GTF2IRD1: variants seen among roughly 807,000 people sequenced by gnomAD.
GTF2IRD1 encodes the protein general transcription factor II-I repeat domain-containing protein 1.
A neutral mutation model predicts 113.2 loss-of-function variants in GTF2IRD1; 26 were observed. That is an observed-to-expected ratio of 0.23 (90% confidence interval 0.17 to 0.32). The LOEUF is 0.32. Among genes scored for constraint, GTF2IRD1 ranks in the 10% least tolerant of loss-of-function variants. The pLI is 1.00. For missense variants in GTF2IRD1, 864 were observed against 1,280.8 expected, an observed-to-expected ratio of 0.67 and a Z score of 4.97; for synonymous variants, 484 against 529.1, an observed-to-expected ratio of 0.91 and a Z score of 1.17.
intron 1 of GTF2IRD1, among the ~76,000 whole-genome samples, chr7:74,472,665 C>T (rs1241959047): frequency 2.6e-5 from 4 of 152,146 alleles, no homozygotes; most frequent in Non-Finnish European, 5.9e-5. Context: ...GACATGAGAA[C>T]TGCTTCAACC....
intron 9 of GTF2IRD1, among the ~76,000 whole-genome samples, chr7:74,533,316 G>A (rs1336255123): frequency 6.6e-6 from 1 of 151,950 alleles, no homozygotes; most frequent in Non-Finnish European, 1.5e-5. Context: ...TGTATTTTTA[G>A]TAGAGACGGG....
chr7:74,517,814 C>T (rs587766342), intron 4 of GTF2IRD1, among the ~76,000 whole-genome samples: 1 of 145,924 alleles, frequency 6.9e-6, no homozygotes, highest in South Asian at 2.1e-4. Flanking sequence ...TGCCTCTGCT[C>T]TGTCCTCTGG....
chr7:74,520,486 C>T (rs149637085), intron 6 of GTF2IRD1, among the ~76,000 whole-genome samples: 1 of 152,152 alleles, frequency 6.6e-6, no homozygotes, highest in East Asian at 1.9e-4. Flanking sequence ...AATGACAGAT[C>T]GGTGGCAGTA....
At chr7:74,468,354 ATT>A (rs68175977) in intron 1 of GTF2IRD1, among the ~76,000 whole-genome samples, 1 of 145,338 alleles carries the variant, frequency 6.9e-6, no homozygotes. Context: ...CATAAAAATA[ATT>A]TAAAAAAAAA....
At chr7:74,580,477 G>A (rs1332209861) in intron 22 of GTF2IRD1, among the ~76,000 whole-genome samples, 1 of 152,146 alleles carries the variant, frequency 6.6e-6, no homozygotes, top group Admixed American at 6.6e-5. Context: ...ACTTTGCCCC[G>A]AGAGAGAGCC....
intron 24 of GTF2IRD1, 99 bp downstream of exon 24, chr7:74,591,116 T>C (rs879993535): frequency 1.8e-5 from 12 of 684,646 alleles, no homozygotes; most frequent in Middle Eastern, 4.2e-4. Flanking sequence ...CAGACCCAGG[T>C]GTACTGTAAT....
At chr7:74,491,787 A>G (rs1795360959) in intron 1 of GTF2IRD1, among the ~76,000 whole-genome samples, 1 of 152,134 alleles carries the variant, frequency 6.6e-6, no homozygotes, top group Non-Finnish European at 1.5e-5. Context: ...TGCAGTAAAC[A>G]TACGTGTGCA....
rs142502062 is a variant in GTF2IRD1, at chr7:74,544,795, C to T, written c.1659C>T (p.Pro553=). 2.4e-4 allele frequency: 392 copies of T among 1,613,572 alleles called. 1 individual carries two copies. The highest frequency in any genetic ancestry group is 1.2e-3 in the Admixed American group (73 of 59,990). Residue 553 remains proline (P), a synonymous_variant, in exon 15 of 27, where the codon CCC becomes CCT. Coordinates refer to ENST00000424337, the MANE Select transcript of GTF2IRD1 (RefSeq NM_005685.4). The part of the protein sequence containing the change: ...LSEDARPEER[P]VEDSHGDVIR... ...AGGACGCGCGGCCCGAGGAGAGGCCCGTGGAGGGTGAGGCCCTGTCTACCC... is the reference window on the plus strand; with the variant it reads ...AGGACGCGCGGCCCGAGGAGAGGCCTGTGGAGGGTGAGGCCCTGTCTACCC...
intron 22 of GTF2IRD1, among the ~76,000 whole-genome samples, chr7:74,569,472 A>AG (rs1478604604): frequency 2.6e-5 from 4 of 152,176 alleles, no homozygotes; most frequent in East Asian, 3.9e-4. Flanking sequence ...TTGTGCAGTG[A>AG]GGGGGGGATG....
chr7:74,575,845 A>G (rs1355488891), intron 22 of GTF2IRD1, among the ~76,000 whole-genome samples: 4 of 152,148 alleles, frequency 2.6e-5, no homozygotes, highest in Admixed American at 6.6e-5. Flanking sequence ...GGCTTGAGAT[A>G]TGATTTGGGG....
chr7:74,494,726 TA>T (rs202108644), intron 1 of GTF2IRD1, among the ~76,000 whole-genome samples: 2 of 150,938 alleles, frequency 1.3e-5, no homozygotes, highest in Non-Finnish European at 3.0e-5. Flanking sequence ...CATTTCTATT[TA>T]AAAAAAACAA....
chr7:74,578,649 C>A (rs1161489655), intron 22 of GTF2IRD1, among the ~76,000 whole-genome samples: 5 of 152,178 alleles, frequency 3.3e-5, no homozygotes, highest in African/African-American at 1.2e-4. Context: ...TCCTCTCTCT[C>A]CCCTCCTTGG....
chr7:74,483,441 C>T (rs575507828), intron 1 of GTF2IRD1, among the ~76,000 whole-genome samples: 24 of 151,964 alleles, frequency 1.6e-4, no homozygotes, highest in African/African-American at 5.1e-4. Flanking sequence ...CAGCTACTTG[C>T]GAGGCTGAGG....
rs782144571 is a variant in GTF2IRD1 at position 74,521,233 on chromosome 7, G to T, written c.942G>T (p.Gly314=). The T allele has an allele frequency of 1.2e-6, 2 of 1,609,206 alleles. No individual in the cohort carries two copies. The highest frequency in any genetic ancestry group is 2.7e-5 in the African/African-American group (2 of 74,926). ...GACAGAAGCCCACTGGGCCTGGTGG[G>T]CCTCTCATCCAGAACGTCCATGCCT... ...CCGQKPTGPG[G]PLIQNVHASK... Residue 314 remains glycine, a synonymous_variant, in exon 7 of 27, where the codon GGG becomes GGT. Coordinates refer to ENST00000424337, the MANE Select transcript of GTF2IRD1 (RefSeq NM_005685.4).
At chr7:74,538,087 G>A in intron 11 of GTF2IRD1, 49 bp from the exon 12 acceptor site, 3 of 1,593,364 alleles carry the variant, frequency 1.9e-6, no homozygotes, top group Non-Finnish European at 2.6e-6. Flanking sequence ...CTGGGGCAGG[G>A]TGGCCCTGGA....
chr7:74,601,004 C>T, intron 25 of GTF2IRD1, 40 bp from the exon 26 acceptor site: 1 of 1,611,748 alleles, frequency 6.2e-7, no homozygotes, highest in Admixed American at 1.7e-5. Flanking sequence ...ACAGAAAAGC[C>T]TCAGCTTCCA....
chr7:74,543,978 G>A lies in GTF2IRD1; in HGVS notation c.1619-777G>A, dbSNP rs147285550. On this transcript the variant is annotated intron_variant, in intron 14 of 26. Transcript: ENST00000424337. ...GAGGGAGGATAGCTTGAGCCCAAGA[G>A]GTTGAGGCTGTAGTGAGCTGTGATT... is the stretch of plus-strand genomic sequence containing the variant. Among the ~76,000 whole-genome samples the A allele has an allele frequency of 7.2e-5, 11 of 152,020 alleles. No homozygotes were observed. The East Asian group carries it at 2.1e-3, about 29-fold the overall frequency.
intron 19 of GTF2IRD1, among the ~76,000 whole-genome samples, chr7:74,556,527 G>A (rs1485340076): frequency 1.3e-5 from 2 of 150,986 alleles, no homozygotes; most frequent in African/African-American, 4.9e-5. Flanking sequence ...TCACCATGTT[G>A]GACAGGCTGG....
At chr7:74,537,196 G>A (rs1381895218) in intron 11 of GTF2IRD1, among the ~76,000 whole-genome samples, 1 of 152,128 alleles carries the variant, frequency 6.6e-6, no homozygotes, top group African/African-American at 2.4e-5. Flanking sequence ...GATCACCTGA[G>A]GTCAGGAGTT....
Sources: gnomAD v4.1 joint callset for allele counts (sites outside exome capture counted in the v4.1 genomes callset) on GRCh38, gnomAD v4.1.1 for gene constraint, MANE v1.5 for transcripts, NCBI Gene and HGNC (gene_info 2026-07-23, HGNC 2026-07-21) for gene names.